The following LIMD1 variants were observed in gnomAD, a reference collection of about 807,000 sequenced individuals.
LIMD1 encodes the protein LIM domain containing 1, also known as LIM domain-containing protein 1.
A neutral mutation model predicts 58.4 loss-of-function variants in LIMD1; 23 were observed. That is an observed-to-expected ratio of 0.39 (90% confidence interval 0.28 to 0.56). The LOEUF (loss-of-function observed/expected upper bound fraction) is 0.56. LIMD1 is among the 20% of genes least tolerant of loss of function. The pLI is 0.57. For missense variants in LIMD1, 838 were observed against 855.5 expected, an observed-to-expected ratio of 0.98 and a Z score of 0.25; for synonymous variants, 334 against 345.5, an observed-to-expected ratio of 0.97 and a Z score of 0.37.
At position 45,677,308 on chromosome 3, in the gene LIMD1, A is replaced by G; in HGVS notation, c.*249A>G. The stretch of plus-strand genomic sequence containing the variant: ...AGGTTACTCAGGAAAATGCTCCAGC[A>G]TGTGCGAGCACATGACCTGAGGTTG... On this transcript the variant is annotated 3_prime_UTR_variant, in exon 8 of 8. Transcript: ENST00000273317. 4.5e-6 allele frequency: 2 copies of G among 441,822 alleles called. No homozygotes were observed. The highest frequency in any genetic ancestry group is 2.5e-5 in the South Asian group (1 of 39,228). The allele number at this position is 441,822 out of a possible 1,614,324, so 27.4% of individuals were successfully genotyped here.
intron 1 of LIMD1, among the ~76,000 whole-genome samples, chr3:45,623,000 G>T (rs1701640699): frequency 6.6e-6 from 1 of 152,116 alleles, no homozygotes; most frequent in Admixed American, 6.5e-5. Context: ...ATGCCAAACT[G>T]CCCTCCAGAA....
intron 1 of LIMD1, among the ~76,000 whole-genome samples, chr3:45,607,239 C>T (rs1412080362): frequency 6.6e-6 from 1 of 152,170 alleles, no homozygotes; most frequent in African/African-American, 2.4e-5. Context: ...ATATCCACTC[C>T]AGTTTTTGTT....
At chr3:45,667,778 C>T in intron 3 of LIMD1, among the ~76,000 whole-genome samples, 1 of 151,840 alleles carries the variant, frequency 6.6e-6, no homozygotes, top group East Asian at 1.9e-4. Flanking sequence ...TCTGAGCTGC[C>T]CTCTGCTTCT....
At chr3:45,651,539 GC>G (rs2125663684) in intron 2 of LIMD1, among the ~76,000 whole-genome samples, 1 of 152,258 alleles carries the variant, frequency 6.6e-6, no homozygotes, top group South Asian at 2.1e-4. Context: ...TCCAGTTTCA[GC>G]TTTCTACATA....
At chr3:45,667,796 G>A (rs964042333) in intron 3 of LIMD1, among the ~76,000 whole-genome samples, 1 of 151,972 alleles carries the variant, frequency 6.6e-6, no homozygotes, top group East Asian at 1.9e-4. Context: ...TCTATTTGAG[G>A]ATTCTGGGTA....
chr3:45,650,404 G>T (rs1426384246), intron 2 of LIMD1, among the ~76,000 whole-genome samples: 1 of 151,802 alleles, frequency 6.6e-6, no homozygotes, highest in Admixed American at 6.6e-5. Context: ...TGTTACATAG[G>T]TATACATGTG....
intron 6 of LIMD1, 27 bp from the exon 7 acceptor site, chr3:45,674,316 T>C (rs1697637122): frequency 2.5e-6 from 4 of 1,603,092 alleles, no homozygotes; most frequent in Non-Finnish European, 3.4e-6. Flanking sequence ...GCCTCTCCTA[T>C]GTGTTCTTGC....
intron 2 of LIMD1, among the ~76,000 whole-genome samples, chr3:45,652,218 T>C (rs1701980463): frequency 6.6e-6 from 1 of 152,228 alleles, no homozygotes; most frequent in African/African-American, 2.4e-5. Context: ...AGAGCCACCA[T>C]GCCCGGCCAG....
chr3:45,595,588 A>C lies in LIMD1; in HGVS notation c.709A>C (p.Ser237Arg). 6.2e-7 allele frequency: 1 copy of C among 1,614,070 alleles called. No individual in the cohort carries two copies. Among genetic ancestry groups the C allele is most frequent in the Middle Eastern group, 1.6e-4 (1 of 6,062 alleles). Residue 237 changes from serine to arginine, a missense_variant, in exon 1 of 8, where the codon AGC becomes CGC. By Grantham distance (110) the Ser-to-Arg change is moderately radical (BLOSUM62 -1). This residue lies in a region of LIMD1 where 659 missense variants were observed against 639.8 expected (regional missense o/e 1.03). Coordinates refer to ENST00000273317, the MANE Select transcript of LIMD1 (RefSeq NM_014240.3). ...LNHRQLSLSS[S>R]RSSEGSLGGQ... ...TCACCGACAGCTCTCCCTGAGCTCC[A>C]GCAGGTCTTCTGAGGGTAGCCTCGG...
intron 2 of LIMD1, among the ~76,000 whole-genome samples, chr3:45,659,856 G>A (rs1252478751): frequency 6.6e-6 from 1 of 152,092 alleles, no homozygotes; most frequent in African/African-American, 2.4e-5. Flanking sequence ...TTCCCTTCCA[G>A]GGAGAGTTTA....
chr3:45,674,293 G>GC, intron 6 of LIMD1, 50 bp from the exon 7 acceptor site: 1 of 1,478,688 alleles, frequency 6.8e-7, no homozygotes, highest in Non-Finnish European at 9.4e-7. Context: ...AAGCCCGACA[G>GC]CCCCCCTAAC....
chr3:45,620,117 C>A (rs1195181066), intron 1 of LIMD1, among the ~76,000 whole-genome samples: 1 of 152,016 alleles, frequency 6.6e-6, no homozygotes, highest in Non-Finnish European at 1.5e-5. Context: ...ACTACTCAGC[C>A]TGCATGATGG....
intron 2 of LIMD1, among the ~76,000 whole-genome samples, chr3:45,663,360 T>C (rs1697468807): frequency 6.6e-6 from 1 of 152,232 alleles, no homozygotes. Context: ...TTCAGATCTA[T>C]TGGCCCTTGA....
chr3:45,611,405 A>G (rs1424971109), intron 1 of LIMD1, among the ~76,000 whole-genome samples: 1 of 152,238 alleles, frequency 6.6e-6, no homozygotes, highest in Non-Finnish European at 1.5e-5. Context: ...GCAGGTGGTC[A>G]TTGCAGCTGA....
At chr3:45,668,378 G>A in intron 4 of LIMD1, 22 bp downstream of exon 4, 1 of 1,589,040 alleles carries the variant, frequency 6.3e-7, no homozygotes, top group Non-Finnish European at 8.6e-7. Context: ...AGCCAAAGAA[G>A]AGAACAGCAT....
intron 2 of LIMD1, among the ~76,000 whole-genome samples, chr3:45,663,760 A>C (rs1697473628): frequency 6.6e-6 from 1 of 151,614 alleles, no homozygotes; most frequent in Non-Finnish European, 1.5e-5. Flanking sequence ...TTTGAGACAG[A>C]GTCTTGCTCT....
At chr3:45,672,637 C>A in intron 4 of LIMD1, 53 bp from the exon 5 acceptor site, 1 of 1,599,372 alleles carries the variant, frequency 6.3e-7, no homozygotes. Flanking sequence ...CTCTCCCCTT[C>A]CACCATCTCA....
chr3:45,611,531 T>C (rs1701522020), intron 1 of LIMD1, among the ~76,000 whole-genome samples: 1 of 152,186 alleles, frequency 6.6e-6, no homozygotes, highest in African/African-American at 2.4e-5. Context: ...GTGTTTCCTG[T>C]CCCAAGAGGT....
rs1204043738 is a variant in LIMD1, at chr3:45,595,128, C to T, written c.249C>T (p.Arg83=). 6.2e-7 allele frequency: 1 copy of T among 1,607,480 alleles called. No homozygotes were observed. The highest frequency in any genetic ancestry group is 8.5e-7 in the Non-Finnish European group (1 of 1,176,532). Residue 83 remains arginine (R), a synonymous_variant, in exon 1 of 8, where the codon CGC becomes CGT. Transcript: ENST00000273317. ...GAGGCCCTGTCAATGGAGGGGGCCG[C>T]CTGGGCCCACAGGCCCGTTGGGAAG... ...GSRGPVNGGG[R]LGPQARWEVV...
Sources: gnomAD v4.1 joint callset for allele counts (sites outside exome capture counted in the v4.1 genomes callset) on GRCh38, gnomAD v4.1.1 for gene constraint, gnomAD v4.1.1 regional missense constraint, MANE v1.5 for transcripts, NCBI Gene and HGNC (gene_info 2026-07-23, HGNC 2026-07-21) for gene names.